Variants in PALM2AKAP2 observed in about 807,000 individuals in gnomAD.
The protein encoded by PALM2AKAP2 is PALM2 and AKAP2 fusion.
Under a neutral mutation model 71.5 loss-of-function variants are expected in PALM2AKAP2, and 37 were observed. The ratio of observed to expected loss-of-function variants is 0.52; its 90% confidence interval spans 0.40 to 0.68. The LOEUF (loss-of-function observed/expected upper bound fraction) is 0.68. PALM2AKAP2 is among the 30% of genes least tolerant of loss of function. PALM2AKAP2 has a pLI of 0.00. For synonymous variants in PALM2AKAP2, 468 were observed against 478.8 expected, an observed-to-expected ratio of 0.98 and a Z score of 0.29; for missense variants, 1,224 against 1,191.8, an observed-to-expected ratio of 1.03 and a Z score of -0.40.
rs372613200 is a variant in PALM2AKAP2 at position 109,925,051 on chromosome 9, G to A, written c.373-10G>A. On this transcript the variant is annotated splice_polypyrimidine_tract_variant and intron_variant, in intron 4 of 9. Transcript: ENST00000302798. ...TAGAGTAACGCTCTGCCTTGTTTTT[G>A]TTCCTACAGGGTTTCTCCAGTACGG... 3.7e-6 allele frequency: 6 copies of A among 1,614,140 alleles called. No homozygotes were observed. In the African/African-American group the frequency reaches 8.0e-5, roughly 22 times the overall value.
chr9:109,702,507 C>T (rs1828077055), intron 1 of PALM2AKAP2, among the ~76,000 whole-genome samples: 1 of 151,868 alleles, frequency 6.6e-6, no homozygotes, highest in African/African-American at 2.4e-5. Flanking sequence ...AAACCAAACA[C>T]CACATGTTCT....
At chr9:109,905,567 G>A (rs1202280776) in intron 3 of PALM2AKAP2, among the ~76,000 whole-genome samples, 16 of 152,226 alleles carry the variant, frequency 1.1e-4, no homozygotes, top group Non-Finnish European at 8.8e-5. Context: ...AGGATGCAGC[G>A]TTAGATGCTG....
At chr9:109,692,969 A>C (rs571334761) in intron 1 of PALM2AKAP2, among the ~76,000 whole-genome samples, 2 of 151,258 alleles carry the variant, frequency 1.3e-5, no homozygotes, top group Non-Finnish European at 3.0e-5. Context: ...TTCTTTTGCT[A>C]ACCATTTAAT....
intron 3 of PALM2AKAP2, among the ~76,000 whole-genome samples, chr9:109,910,363 C>T (rs1012391233): frequency 1.3e-5 from 2 of 152,116 alleles, no homozygotes; most frequent in Non-Finnish European, 2.9e-5. Context: ...TACATAAAGG[C>T]TGGAGTTCAG....
intron 1 of PALM2AKAP2, among the ~76,000 whole-genome samples, chr9:109,799,218 C>T (rs1252598417): frequency 1.3e-5 from 2 of 152,234 alleles, no homozygotes; most frequent in African/African-American, 4.8e-5. Flanking sequence ...TGAAGCTCAG[C>T]GTGGCTCGTG....
chr9:110,099,352 C>T (rs920116202), intron 1 of PALM2AKAP2, among the ~76,000 whole-genome samples: 5 of 152,210 alleles, frequency 3.3e-5, no homozygotes, highest in Admixed American at 1.3e-4. Flanking sequence ...CTACTGACAT[C>T]TGGTACTTAG....
intron 3 of PALM2AKAP2, among the ~76,000 whole-genome samples, chr9:109,915,341 T>C (rs886945687): frequency 4.6e-5 from 7 of 152,240 alleles, no homozygotes; most frequent in African/African-American, 1.7e-4. Flanking sequence ...TTCATGTTTC[T>C]GGAGAGCAAT....
At chr9:109,843,948 G>T (rs1310587885) in intron 1 of PALM2AKAP2, among the ~76,000 whole-genome samples, 1 of 152,232 alleles carries the variant, frequency 6.6e-6, no homozygotes, top group Admixed American at 6.5e-5. Flanking sequence ...TAAATCTGCA[G>T]TTCCTGACCT....
rs115245118 is a variant in PALM2AKAP2 at position 110,011,902 on chromosome 9, A to C, written c.497-4052A>C. ...CTCTAGCACAAGATACTGGTGTAGA[A>C]CAGATCTCCACCATAGGTACGAGAG... On this transcript the variant is annotated intron_variant, in intron 6 of 9. Coordinates refer to the PALM2AKAP2 transcript ENST00000302798. Among the ~76,000 whole-genome samples, 7 of 152,096 alleles carry C rather than the reference A, an allele frequency of 4.6e-5. No homozygotes were observed. In the East Asian group the frequency reaches 1.2e-3, roughly 25 times the overall value.
In PALM2AKAP2 at chr9:109,833,122, C is replaced by T. The variant is rs137856960; in HGVS notation, c.46-34369C>T. Reference sequence around the variant, plus strand: ...CTGTAATCCCAGCACTTTGGGAGGCCGAGGCAGGTGGATCACGAGGTCAGG... The same window carrying T: ...CTGTAATCCCAGCACTTTGGGAGGCTGAGGCAGGTGGATCACGAGGTCAGG... On this transcript the variant is annotated intron_variant, in intron 1 of 9. Transcript: ENST00000302798. Among the ~76,000 whole-genome samples, 269 of 152,100 alleles carry T rather than the reference C, an allele frequency of 1.8e-3. 1 individual carries two copies. Among genetic ancestry groups the T allele is most frequent in the African/African-American group, 6.0e-3 (247 of 41,500 alleles).
At chr9:109,805,091 A>G (rs1300642524) in intron 1 of PALM2AKAP2, among the ~76,000 whole-genome samples, 1 of 152,212 alleles carries the variant, frequency 6.6e-6, no homozygotes, top group African/African-American at 2.4e-5. Context: ...ATTTGGCTGC[A>G]AGTGCCTGAA....
chr9:109,702,439 G>A (rs1435107023), intron 1 of PALM2AKAP2, among the ~76,000 whole-genome samples: 10 of 152,184 alleles, frequency 6.6e-5, no homozygotes, highest in African/African-American at 2.4e-4. Flanking sequence ...CGTGTCCTTT[G>A]TAGGGACATG....
chr9:109,720,778 G>A (rs1828393700), intron 1 of PALM2AKAP2, among the ~76,000 whole-genome samples: 1 of 152,230 alleles, frequency 6.6e-6, no homozygotes, highest in Non-Finnish European at 1.5e-5. Flanking sequence ...GAACCCACAT[G>A]CTGTGGATTT....
chr9:109,769,114 T>C (rs1829212802), intron 1 of PALM2AKAP2, among the ~76,000 whole-genome samples: 1 of 150,696 alleles, frequency 6.6e-6, no homozygotes, highest in Non-Finnish European at 1.5e-5. Flanking sequence ...AAATAGTAGT[T>C]TTTACTGACA....
At chr9:110,093,362 C>T (rs1206075598) in intron 1 of PALM2AKAP2, among the ~76,000 whole-genome samples, 2 of 151,880 alleles carry the variant, frequency 1.3e-5, no homozygotes, top group African/African-American at 2.4e-5. Flanking sequence ...GTAGATGGGG[C>T]ATGAGGAGAA....
intron 7 of PALM2AKAP2, among the ~76,000 whole-genome samples, chr9:110,038,752 A>C (rs1833460629): frequency 6.6e-6 from 1 of 151,632 alleles, no homozygotes; most frequent in South Asian, 2.1e-4. Flanking sequence ...TGGCCTGTCC[A>C]ACATGGTGAA....
chr9:109,881,531 C>T (rs897829738), intron 3 of PALM2AKAP2, among the ~76,000 whole-genome samples: 1 of 152,066 alleles, frequency 6.6e-6, no homozygotes, highest in Admixed American at 6.6e-5. Flanking sequence ...AGGTTATGTG[C>T]CCGTGCTCTA....
intron 1 of PALM2AKAP2, among the ~76,000 whole-genome samples, chr9:109,823,908 A>G (rs573704519): frequency 6.6e-6 from 1 of 152,268 alleles, no homozygotes; most frequent in African/African-American, 2.4e-5. Context: ...TTATTTTTTT[A>G]GACAGGATCT....
At chr9:109,807,150 G>GA (rs142640521) in intron 1 of PALM2AKAP2, among the ~76,000 whole-genome samples, 26,859 of 151,566 alleles carry the variant, frequency 0.18, 2,785 homozygotes, top group East Asian at 0.35. Flanking sequence ...GTGAGAGAGA[G>GA]AAAAAAAAGT....
Sources: allele counts gnomAD v4.1 joint callset (sites outside exome capture counted in the v4.1 genomes callset), GRCh38; gene constraint gnomAD v4.1.1; transcripts MANE v1.5; gene names NCBI Gene and HGNC (gene_info 2026-07-23, HGNC 2026-07-21).